Variants in FAAH2 observed in about 807,000 individuals in gnomAD.
The protein encoded by FAAH2 is fatty acid amide hydrolase 2.
A neutral mutation model predicts 36.9 loss-of-function variants in FAAH2; 60 were observed. That is an observed-to-expected ratio of 1.63 (90% CI 1.32 to 2.02). The LOEUF (loss-of-function observed/expected upper bound fraction) is 2.02, where lower values mean the gene tolerates loss of function less well. Among genes scored for constraint, FAAH2 ranks in the 30% most tolerant of loss-of-function variants. The pLI is 0.00. For synonymous variants in FAAH2, 214 were observed against 143.8 expected (o/e 1.49, Z -3.49); for missense variants, 689 against 397.5 (o/e 1.73, Z -6.23).
the FAAH2 span, among the ~76,000 whole-genome samples, chrX:57,276,434 G>A: frequency 9.0e-6 from 1 of 111,594 alleles, no homozygotes; most frequent in Non-Finnish European, 1.9e-5. Context: ...GCGTGTAGAG[G>A]GAAATTTATA....
At chrX:57,281,369 ACACTTATTAAGACACACC>A in the FAAH2 span, among the ~76,000 whole-genome samples, 2 of 111,789 alleles carry the variant, frequency 1.8e-5, no homozygotes, top group East Asian at 5.6e-4. Flanking sequence ...CTATTGTGTT[ACACTTATTAAGACACACC>A]CACTTTTGCC....
the FAAH2 span, among the ~76,000 whole-genome samples, chrX:57,266,685 A>G: frequency 1.1e-4 from 12 of 112,515 alleles, no homozygotes; most frequent in Non-Finnish European, 2.1e-4. Flanking sequence ...TAGACAGGGA[A>G]TCCCTGGCTG....
chrX:57,258,206 T>G, the FAAH2 span, among the ~76,000 whole-genome samples: 50 of 111,344 alleles, frequency 4.5e-4, no homozygotes, highest in African/African-American at 1.5e-3. Flanking sequence ...AAGGATAGTG[T>G]GACCTATAAG....
intron 5 of FAAH2, among the ~76,000 whole-genome samples, chrX:57,358,013 A>T (rs757382903): frequency 1.1e-3 from 121 of 111,386 alleles, no homozygotes; most frequent in Non-Finnish European, 2.1e-3. Context: ...CCATAAAAAA[A>T]GGATACGTTT....
the FAAH2 span, chrX:57,121,887 T>C: frequency 1.8e-5 from 1 of 54,462 alleles, no homozygotes; most frequent in Non-Finnish European, 3.3e-5. Context: ...TCCCATGCCC[T>C]TATGGATTTA....
At chrX:57,420,073 T>C (rs1383655224) in intron 7 of FAAH2, among the ~76,000 whole-genome samples, 2 of 111,774 alleles carry the variant, frequency 1.8e-5, no homozygotes, top group Non-Finnish European at 3.8e-5. Flanking sequence ...TTTCCATTGA[T>C]ATATATCTCT....
At chrX:57,145,024 A>G in the FAAH2 span, among the ~76,000 whole-genome samples, 2 of 111,529 alleles carry the variant, frequency 1.8e-5, no homozygotes, top group Middle Eastern at 4.6e-3. Flanking sequence ...TTGTGCTGCT[A>G]TAAACATGCA....
At chrX:57,277,782 G>C in the FAAH2 span, among the ~76,000 whole-genome samples, 3 of 111,502 alleles carry the variant, frequency 2.7e-5, no homozygotes, top group Admixed American at 2.9e-4. Context: ...ACCAAGAACA[G>C]ACAAACACAG....
intron 2 of FAAH2, among the ~76,000 whole-genome samples, chrX:57,300,044 T>G (rs1165202215): frequency 1.8e-5 from 2 of 111,708 alleles, no homozygotes; most frequent in Non-Finnish European, 3.8e-5. Flanking sequence ...AGGTAATTTA[T>G]AGATTCAATG....
the FAAH2 span, among the ~76,000 whole-genome samples, chrX:57,216,237 C>T: frequency 9.4e-6 from 1 of 106,465 alleles, no homozygotes; most frequent in East Asian, 3.0e-4. Flanking sequence ...GCAGTATATA[C>T]TGCACCATAT....
chrX:57,206,137 G>A, the FAAH2 span, among the ~76,000 whole-genome samples: 1 of 111,859 alleles, frequency 8.9e-6, no homozygotes, highest in African/African-American at 3.2e-5. Flanking sequence ...ATTAGCTGCA[G>A]CTCTGCCTCA....
At chrX:57,313,819 G>T (rs1338851539) in intron 3 of FAAH2, among the ~76,000 whole-genome samples, 1 of 111,207 alleles carries the variant, frequency 9.0e-6, no homozygotes, top group African/African-American at 3.3e-5. Context: ...CTGATAGCTT[G>T]CATGCACTAT....
chrX:57,160,311 T>A, the FAAH2 span, among the ~76,000 whole-genome samples: 1 of 111,376 alleles, frequency 9.0e-6, no homozygotes, highest in African/African-American at 3.3e-5. Context: ...TTTTTGTTGT[T>A]GTATCTCTGC....
intron 10 of FAAH2, among the ~76,000 whole-genome samples, chrX:57,478,993 A>C (rs2057325380): frequency 9.0e-6 from 1 of 111,390 alleles, no homozygotes; most frequent in Admixed American, 9.6e-5. Context: ...TTCCATATGA[A>C]CTTTAAAGTA....
intron 5 of FAAH2, among the ~76,000 whole-genome samples, chrX:57,370,098 T>TATGGAAA (rs1406616449): frequency 1.8e-5 from 2 of 111,167 alleles, no homozygotes; most frequent in African/African-American, 3.3e-5. Flanking sequence ...ACAAAGCTTA[T>TATGGAAA]TACTATGGAA....
At chrX:57,149,106 C>T in the FAAH2 span, among the ~76,000 whole-genome samples, 1 of 111,540 alleles carries the variant, frequency 9.0e-6, no homozygotes, top group Non-Finnish European at 1.9e-5. Context: ...AGGGATGAAG[C>T]CCACTTGATC....
chrX:57,390,050 G>A (rs1320306094), intron 7 of FAAH2, among the ~76,000 whole-genome samples: 1 of 110,483 alleles, frequency 9.1e-6, no homozygotes, highest in Non-Finnish European at 1.9e-5. Flanking sequence ...ATTTGTTTCT[G>A]ATAAGTTCTA....
intron 8 of FAAH2, among the ~76,000 whole-genome samples, chrX:57,436,357 T>C (rs1569343505): frequency 9.7e-6 from 1 of 103,037 alleles, no homozygotes; most frequent in Non-Finnish European, 2.0e-5. Flanking sequence ...GAAAATGAGT[T>C]AAAAAAAAAA....
intron 5 of FAAH2, among the ~76,000 whole-genome samples, chrX:57,353,924 G>A (rs1162104930): frequency 9.0e-6 from 1 of 110,958 alleles, no homozygotes; most frequent in African/African-American, 3.3e-5. Flanking sequence ...GTCAGAATGG[G>A]CATTATTACA....
Sources: gnomAD v4.1 joint callset for allele counts (sites outside exome capture counted in the v4.1 genomes callset) on GRCh38, gnomAD v4.1.1 for gene constraint, MANE v1.5 for transcripts, NCBI Gene and HGNC (gene_info 2026-07-23, HGNC 2026-07-21) for gene names.